The following WNT2B variants were observed in gnomAD, a reference collection of about 807,000 sequenced individuals.
WNT2B encodes protein Wnt-2b.
WNT2B carries 19 observed loss-of-function variants against 40.5 expected under a neutral mutation model. The observed-to-expected ratio is 0.47, with a 90% CI of 0.33 to 0.69. WNT2B has a LOEUF of 0.69. WNT2B is among the 30% of genes least tolerant of loss of function. The pLI is 0.02. For synonymous variants in WNT2B, 220 were observed against 211.9 expected, an observed-to-expected ratio of 1.04 and a Z score of -0.33; for missense variants, 467 against 556.4, an observed-to-expected ratio of 0.84 and a Z score of 1.62.
At chr1:112,499,971 C>T (rs932330508) in intron 1 of WNT2B, among the ~76,000 whole-genome samples, 13 of 152,034 alleles carry the variant, frequency 8.6e-5, no homozygotes, top group African/African-American at 2.7e-4. Flanking sequence ...AGCAGAGGCA[C>T]GATGGTCATG....
upstream of WNT2B, chr1:112,508,658 C>G (rs1189865120): frequency 5.2e-6 from 5 of 957,394 alleles, no homozygotes; most frequent in South Asian, 9.6e-5. This position sits in a 1 kb window ranked among gnomAD's most constrained non-coding sequence, Gnocchi z 4.2. Context: ...CCAGCCTGGC[C>G]GTCACCCATA....
At chr1:112,503,194 T>C (rs1652010355) in intron 1 of WNT2B, among the ~76,000 whole-genome samples, 1 of 152,122 alleles carries the variant, frequency 6.6e-6, no homozygotes, top group Non-Finnish European at 1.5e-5. Context: ...CCCACTCCAC[T>C]GGAGTCCCTG....
chr1:112,505,486 A>T (rs751767322), upstream of WNT2B, among the ~76,000 whole-genome samples: 2 of 152,002 alleles, frequency 1.3e-5, no homozygotes, highest in African/African-American at 2.4e-5. Context: ...GAGATCAGTG[A>T]CTCCTCCCTC....
At chr1:112,488,862 AC>A (rs1001163194) in intron 1 of WNT2B, among the ~76,000 whole-genome samples, 18 of 151,778 alleles carry the variant, frequency 1.2e-4, no homozygotes, top group African/African-American at 4.3e-4. Flanking sequence ...CCCTTTATTT[AC>A]CGTTTTTTTA....
upstream of WNT2B, among the ~76,000 whole-genome samples, chr1:112,507,851 G>C (rs564261378): frequency 6.6e-6 from 1 of 152,184 alleles, no homozygotes; most frequent in Non-Finnish European, 1.5e-5. Flanking sequence ...CTGAACTCTC[G>C]AAGTTAAGCC....
At chr1:112,504,501 A>G (rs1034098753), upstream of WNT2B, among the ~76,000 whole-genome samples, 1 of 152,044 alleles carries the variant, frequency 6.6e-6, no homozygotes, top group Non-Finnish European at 1.5e-5. Flanking sequence ...AAGAGCTCAT[A>G]AATACCAAGG....
intron 1 of WNT2B, among the ~76,000 whole-genome samples, chr1:112,481,007 A>G (rs1651208135): frequency 6.6e-6 from 1 of 152,128 alleles, no homozygotes; most frequent in Non-Finnish European, 1.5e-5. Context: ...CGTCTCTACT[A>G]AAAATACAAA....
At chr1:112,508,847 G>T (rs1159348220), upstream of WNT2B, 1 of 999,956 alleles carries the variant, frequency 1.0e-6, no homozygotes, top group African/African-American at 1.7e-5. This position sits in a 1 kb window ranked among gnomAD's most constrained non-coding sequence, Gnocchi z 4.2. Flanking sequence ...TACACCTAGG[G>T]CGTCGCGGAG....
At chr1:112,514,567 G>A (rs1393526680) in intron 1 of WNT2B, among the ~76,000 whole-genome samples, 1 of 152,208 alleles carries the variant, frequency 6.6e-6, no homozygotes, top group African/African-American at 2.4e-5. Flanking sequence ...TGTGTGACAT[G>A]CCCACAGCTT....
chr1:112,509,591 G>A lies in WNT2B; in HGVS notation c.182+147G>A. 3 of 923,680 alleles carry A rather than the reference G, an allele frequency of 3.2e-6. No homozygotes were observed. Among genetic ancestry groups the A allele is most frequent in the Non-Finnish European group, 1.5e-6 (1 of 674,734 alleles). 57.2% of individuals were successfully genotyped at this position (923,680 alleles called of 1,614,324 possible). A position where few individuals can be genotyped will look rare whatever the true frequency, so the allele number is the denominator to read the frequency against. ...AGGACTGTCACTGAAATCTGAAGTC[G>A]CGGGGTGGCGGGAGGGTGAGGCGCC... On this transcript the variant is annotated intron_variant, in intron 1 of 4. Transcript: ENST00000369684. This position sits in a 1 kb window ranked among gnomAD's most constrained non-coding sequence, Gnocchi z 4.2.
At chr1:112,495,579 A>G (rs1015843034) in intron 1 of WNT2B, among the ~76,000 whole-genome samples, 1 of 146,176 alleles carries the variant, frequency 6.8e-6, no homozygotes. Context: ...ACAGAGCGAG[A>G]CTCTGTCTCA....
chr1:112,487,227 T>C lies in WNT2B; in HGVS notation c.-95+19636T>C, dbSNP rs149028272. Among the ~76,000 whole-genome samples, 460 of 152,326 alleles carry C rather than the reference T, an allele frequency of 3.0e-3. 2 individuals are homozygous for C. The highest frequency in any genetic ancestry group is 0.01 in the African/African-American group (435 of 41,568). ...ATACACACTATATGATTCTGTTTAT[T>C]TAAAATTCTATAAATGCAAGATAAG... On this transcript the variant is annotated intron_variant, in intron 1 of 4. Coordinates refer to the WNT2B transcript ENST00000256640.
upstream of WNT2B, chr1:112,508,734 T>C (rs1652213360): frequency 5.1e-6 from 5 of 985,938 alleles, no homozygotes; most frequent in South Asian, 4.7e-5. This position sits in a 1 kb window ranked among gnomAD's most constrained non-coding sequence, Gnocchi z 4.2. Context: ...GACTGGGCGC[T>C]TGGGGCGCAG....
Position 112,525,874 on chromosome 1 carries a change from AAGC to A in WNT2B, c.*5366_*5368del, listed in dbSNP as rs1653295642. 8.3e-7 allele frequency: 1 copy of A among 1,207,078 alleles called. No individual in the cohort carries two copies. Among genetic ancestry groups the A allele is most frequent in the African/African-American group, 1.5e-5 (1 of 66,092 alleles). 74.8% of individuals were successfully genotyped at this position (1,207,078 alleles called of 1,614,324 possible). ...GCCTAGGAATAACAATATTCATAAG[AAGC>A]TTTTTCATATGCAAAATGCTTTAGC... is the stretch of plus-strand genomic sequence containing the variant. On this transcript the variant is annotated 3_prime_UTR_variant, in exon 5 of 5. Transcript: ENST00000369684.
Position 112,529,311 on chromosome 1 carries a change from G to A in WNT2B, c.*8802G>A, listed in dbSNP as rs1169845246. On this transcript the variant is annotated 3_prime_UTR_variant, in exon 5 of 5. Transcript: ENST00000369684. Reference sequence around the variant, plus strand: ...GATAGCATTTGTTAGTATCATCTTAGTTCTCTTCCCTCCCCTAGGTAGTTT... The same window carrying A: ...GATAGCATTTGTTAGTATCATCTTAATTCTCTTCCCTCCCCTAGGTAGTTT... 1 of 152,142 alleles carries A rather than the reference G, an allele frequency of 6.6e-6. No individual in the cohort carries two copies. The highest frequency in any genetic ancestry group is 2.4e-5 in the African/African-American group (1 of 41,422). The allele number at this position is 152,142 out of a possible 1,614,324, so 9.4% of individuals were successfully genotyped here. A position where few individuals can be genotyped will look rare whatever the true frequency, so the allele number is the denominator to read the frequency against.
intron 1 of WNT2B, among the ~76,000 whole-genome samples, chr1:112,511,360 C>T (rs113535807): frequency 0.03 from 4,508 of 152,238 alleles, 195 homozygotes; most frequent in African/African-American, 0.097. Flanking sequence ...CCTCCTTGCT[C>T]CACACCTGTC....
intron 1 of WNT2B, among the ~76,000 whole-genome samples, chr1:112,486,354 G>T (rs1362648993): frequency 6.6e-6 from 1 of 152,066 alleles, no homozygotes; most frequent in Non-Finnish European, 1.5e-5. Context: ...GATGTGGGAG[G>T]TTGGCTTGAG....
rs139387353 is a variant in WNT2B, at chr1:112,518,894, C to G, written c.947-1386C>G. Among the ~76,000 whole-genome samples, 1,171 of 152,330 alleles carry G rather than the reference C, an allele frequency of 7.7e-3. 17 individuals are homozygous for G. Among genetic ancestry groups the G allele is most frequent in the African/African-American group, 0.027 (1,112 of 41,580 alleles). On this transcript the variant is annotated intron_variant, in intron 4 of 4. Transcript: ENST00000369684. ...TGATGATAGAAATGTTTTCCTATCT[C>G]TGTTGTCCAATACAGTAGCAACTAG...
In WNT2B at chr1:112,526,861, C is replaced by T. The variant is rs1260795297; in HGVS notation, c.*6352C>T. The T allele has an allele frequency of 6.6e-6, 1 of 152,200 alleles. No individual in the cohort carries two copies. Among genetic ancestry groups the T allele is most frequent in the Non-Finnish European group, 1.5e-5 (1 of 68,054 alleles). 9.4% of individuals were successfully genotyped at this position (152,200 alleles called of 1,614,324 possible). ...GGGAATAAGTGTCCTAAGAAACTCC[C>T]ATCCCAAGCCAGACAGATGCCTACC... On this transcript the variant is annotated 3_prime_UTR_variant, in exon 5 of 5. Transcript: ENST00000369684.
Sources: allele counts gnomAD v4.1 joint callset (sites outside exome capture counted in the v4.1 genomes callset), GRCh38; gene constraint gnomAD v4.1.1; non-coding constraint Gnocchi (gnomAD v3.1); transcripts MANE v1.5; gene names NCBI Gene and HGNC (gene_info 2026-07-23, HGNC 2026-07-21).